The following ANOS1 variants were observed in gnomAD, a reference collection of about 807,000 sequenced individuals.
ANOS1 encodes anosmin-1.
In ANOS1, 6 loss-of-function variants were observed where a neutral mutation model predicts 59.0. The observed-to-expected ratio is 0.10, with a 90% confidence interval of 0.06 to 0.20. The LOEUF is 0.20. Among genes scored for constraint, ANOS1 ranks in the 10% least tolerant of loss-of-function variants. The pLI is 1.00. For missense variants in ANOS1, 433 were observed against 542.3 expected (o/e 0.80, Z 2.00); for synonymous variants, 217 against 223.4 (o/e 0.97, Z 0.25).
chrX:8,665,124 C>T (rs768955219), intron 2 of ANOS1, among the ~76,000 whole-genome samples: 2 of 111,828 alleles, frequency 1.8e-5, no homozygotes, highest in Non-Finnish European at 3.8e-5. Context: ...GAATGACAGG[C>T]ACTCATCCAA....
In ANOS1 at chrX:8,587,855, C is replaced by T. The variant is rs1930545789; in HGVS notation, c.665G>A (p.Arg222Lys). Residue 222 changes from arginine (R) to lysine (K), a missense_variant, in exon 5 of 14, where the codon AGA becomes AAA. By Grantham distance (26) the Arg-to-Lys change is conservative. Coordinates refer to ENST00000262648, the MANE Select transcript of ANOS1 (RefSeq NM_000216.4). ...GCTAGGATGGATTCCATAATTCCAT[C>T]TTCTTTGTACCACATAGATCACAGG... ...IEPVIYVVQRRWNYGIHPSED... is the reference protein window; with the variant it reads ...IEPVIYVVQRKWNYGIHPSED... 8.3e-7 allele frequency: 1 copy of T among 1,207,074 alleles called. No individual in the cohort carries two copies. Among genetic ancestry groups the T allele is most frequent in the African/African-American group, 1.7e-5 (1 of 57,668 alleles).
chrX:8,701,952 C>A (rs1027723525), intron 1 of ANOS1, among the ~76,000 whole-genome samples: 5 of 111,781 alleles, frequency 4.5e-5, no homozygotes, highest in African/African-American at 1.3e-4. Context: ...TAGCATATAG[C>A]CCTACTTTTT....
At chrX:8,698,457 C>A (rs16985116) in intron 2 of ANOS1, among the ~76,000 whole-genome samples, 4,633 of 112,104 alleles carry the variant, frequency 0.041, 236 homozygotes, top group African/African-American at 0.14. Flanking sequence ...TAATACGACA[C>A]TGCACAAAAA....
intron 7 of ANOS1, among the ~76,000 whole-genome samples, chrX:8,569,358 TG>T (rs1184595580): frequency 7.1e-5 from 8 of 112,204 alleles, no homozygotes; most frequent in African/African-American, 2.6e-4. Flanking sequence ...AAAAATAAAG[TG>T]GGGCTGGGCG....
intron 2 of ANOS1, among the ~76,000 whole-genome samples, chrX:8,630,941 G>C (rs1228234382): frequency 8.9e-6 from 1 of 112,643 alleles, no homozygotes; most frequent in Non-Finnish European, 1.9e-5. Flanking sequence ...ACCTATGAAA[G>C]GGAATATGGA....
At chrX:8,683,903 C>T (rs895884991) in intron 2 of ANOS1, among the ~76,000 whole-genome samples, 3 of 111,566 alleles carry the variant, frequency 2.7e-5, no homozygotes, top group Non-Finnish European at 3.8e-5. Context: ...GCACGGTGCA[C>T]GCAAAGGCTG....
intron 3 of ANOS1, among the ~76,000 whole-genome samples, chrX:8,599,691 G>C (rs1287439154): frequency 8.9e-6 from 1 of 111,841 alleles, no homozygotes; most frequent in African/African-American, 3.3e-5. Flanking sequence ...CTGCCAGCAT[G>C]CTGCTGGCTA....
intron 1 of ANOS1, among the ~76,000 whole-genome samples, chrX:8,726,477 G>A (rs1034687940): frequency 9.0e-6 from 1 of 111,618 alleles, no homozygotes. Flanking sequence ...TTTCTCCCTG[G>A]GCATTCTGAA....
chrX:8,678,699 C>A (rs954767919), intron 2 of ANOS1, among the ~76,000 whole-genome samples: 1 of 111,733 alleles, frequency 8.9e-6, no homozygotes, highest in Non-Finnish European at 1.9e-5. Context: ...CTTGAAAGGG[C>A]CCCTAGACCA....
At chrX:8,715,231 ACTTAAT>A (rs1175374353) in intron 1 of ANOS1, among the ~76,000 whole-genome samples, 1 of 111,559 alleles carries the variant, frequency 9.0e-6, no homozygotes, top group Non-Finnish European at 1.9e-5. Context: ...TTAAAAATCT[ACTTAAT>A]CTTATCCTAT....
At chrX:8,649,875 T>A (rs376141831) in intron 2 of ANOS1, among the ~76,000 whole-genome samples, 1 of 112,568 alleles carries the variant, frequency 8.9e-6, no homozygotes, top group Non-Finnish European at 1.9e-5. Flanking sequence ...CCCTCACTTG[T>A]AGGAGCCCCT....
chrX:8,624,776 C>CTA (rs1569066923), intron 2 of ANOS1, among the ~76,000 whole-genome samples: 4 of 110,015 alleles, frequency 3.6e-5, no homozygotes, highest in Admixed American at 2.0e-4. Context: ...CTAATATACA[C>CTA]TATATATATT....
intron 2 of ANOS1, among the ~76,000 whole-genome samples, chrX:8,680,589 T>G (rs1932410326): frequency 9.0e-6 from 1 of 111,424 alleles, no homozygotes; most frequent in Non-Finnish European, 1.9e-5. Flanking sequence ...TCAACTGTGC[T>G]TATTTCTCCT....
chrX:8,682,965 G>A (rs987483449), intron 2 of ANOS1, among the ~76,000 whole-genome samples: 8 of 111,435 alleles, frequency 7.2e-5, no homozygotes, highest in African/African-American at 2.3e-4. Flanking sequence ...CAGACTCTCA[G>A]GCCCCAGCCC....
intron 12 of ANOS1, 57 bp from the exon 13 acceptor site, chrX:8,534,517 A>G (rs768246332): frequency 8.9e-7 from 1 of 1,127,376 alleles, no homozygotes; most frequent in Non-Finnish European, 1.2e-6. Flanking sequence ...GACAACATGC[A>G]ATGCACAGAG....
Position 8,568,288 on chromosome X carries a change from C to T in ANOS1, c.1151G>A (p.Arg384Gln), listed in dbSNP as rs190088923. The part of the protein sequence containing the change: ...LQAITYWGQT[R>Q]LKSAKVSLHF... ...AAGGGACACCTTTGCACTCTTCAGC[C>T]GTGTCTGTCCCCAGTACGTTATGGC... The change falls in exon 8 of 14, where the codon CGG becomes CAG. Residue 384 changes from arginine (R) to glutamine (Q), a missense_variant. Physicochemically the swap from Arg to Gln is conservative, Grantham distance 43 (BLOSUM62 1). Coordinates refer to ENST00000262648, the MANE Select transcript of ANOS1 (RefSeq NM_000216.4). 9 of 1,207,889 alleles carry T rather than the reference C, an allele frequency of 7.5e-6. No individual in the cohort carries two copies. Among genetic ancestry groups the T allele is most frequent in the South Asian group, 1.8e-5 (1 of 56,729 alleles).
At chrX:8,723,856 C>T (rs1266814923) in intron 1 of ANOS1, among the ~76,000 whole-genome samples, 1 of 111,457 alleles carries the variant, frequency 9.0e-6, no homozygotes, top group Non-Finnish European at 1.9e-5. Flanking sequence ...GTAGTACTGT[C>T]GTTAATGATG....
intron 8 of ANOS1, among the ~76,000 whole-genome samples, chrX:8,563,634 G>T (rs1361393944): frequency 1.8e-5 from 2 of 112,451 alleles, no homozygotes; most frequent in African/African-American, 6.5e-5. Flanking sequence ...GACCGTAGCA[G>T]ATGAAAGCTT....
chrX:8,573,578 A>G (rs1390681225), intron 6 of ANOS1, among the ~76,000 whole-genome samples: 1 of 111,879 alleles, frequency 8.9e-6, no homozygotes, highest in Non-Finnish European at 1.9e-5. Flanking sequence ...TATCTTTAAC[A>G]TAGACTATGC....
Sources: gnomAD v4.1 joint callset for allele counts (sites outside exome capture counted in the v4.1 genomes callset) on GRCh38, gnomAD v4.1.1 for gene constraint, MANE v1.5 for transcripts, NCBI Gene and HGNC (gene_info 2026-07-23, HGNC 2026-07-21) for gene names.